The following TRIO variants were observed in gnomAD, a reference collection of about 807,000 sequenced individuals.
The protein encoded by TRIO is trio Rho guanine nucleotide exchange factor, also known as triple functional domain protein.
Under a neutral mutation model 351.9 loss-of-function variants are expected in TRIO, and 58 were observed. The observed-to-expected ratio is 0.16, with a 90% CI of 0.13 to 0.21. The LOEUF (loss-of-function observed/expected upper bound fraction) is 0.21, where lower values mean the gene tolerates loss of function less well. Ranked by LOEUF, TRIO falls within the 10% of genes least tolerant of loss-of-function variation. The pLI is 1.00. For missense variants in TRIO, 3,201 were observed against 4,027.8 expected, an observed-to-expected ratio of 0.79 and a Z score of 5.56; for synonymous variants, 1,758 against 1,595.7, an observed-to-expected ratio of 1.10 and a Z score of -2.42.
intron 34 of TRIO, among the ~76,000 whole-genome samples, chr5:14,458,210 T>G (rs1490252949): frequency 1.3e-5 from 2 of 152,178 alleles, no homozygotes; most frequent in African/African-American, 2.4e-5. Context: ...AAGACTGTCC[T>G]TAAAATATGA....
chr5:14,338,436 A>G (rs1741630060), intron 11 of TRIO, among the ~76,000 whole-genome samples: 1 of 152,148 alleles, frequency 6.6e-6, no homozygotes, highest in African/African-American at 2.4e-5. Flanking sequence ...GGGCGTGGTT[A>G]GCCGCTCTCC....
Position 14,482,765 on chromosome 5 carries a change from A to C in TRIO, c.6649A>C (p.Ser2217Arg). 1.3e-6 allele frequency: 2 copies of C among 1,591,512 alleles called. No homozygotes were observed. Among genetic ancestry groups the C allele is most frequent in the Non-Finnish European group, 1.7e-6 (2 of 1,165,758 alleles). Residue 2217 changes from serine (S) to arginine (R), a missense_variant, in exon 46 of 57, where the codon AGT (serine) becomes CGT (arginine). By Grantham distance (110) the Ser-to-Arg change is moderately radical. Coordinates refer to ENST00000344204, the MANE Select transcript of TRIO (RefSeq NM_007118.4). Reference protein sequence around the residue: ...FSMPGFLFKNSIKVSCLCLEE... With the variant: ...FSMPGFLFKNRIKVSCLCLEE... ...CATGCCGGGATTCCTGTTTAAGAAC[A>C]GTATCAAGGTAACGTGTGTCTCTGT...
At chr5:14,388,512 A>T in intron 23 of TRIO, 101 bp from the exon 24 acceptor site, 2 of 1,156,288 alleles carry the variant, frequency 1.7e-6, no homozygotes, top group Non-Finnish European at 2.6e-6. Flanking sequence ...ATCTAAGACT[A>T]ATACTTTTAG....
At chr5:14,156,431 A>G (rs1176206798) in intron 1 of TRIO, among the ~76,000 whole-genome samples, 1 of 152,176 alleles carries the variant, frequency 6.6e-6, no homozygotes, top group African/African-American at 2.4e-5. Flanking sequence ...ATGTGTGTGT[A>G]TGTATGCATA....
intron 34 of TRIO, among the ~76,000 whole-genome samples, chr5:14,452,939 T>C (rs532199942): frequency 8.6e-4 from 131 of 152,228 alleles, no homozygotes; most frequent in African/African-American, 3.0e-3. Context: ...TGTCCCAAAT[T>C]TACAGACTGG....
intron 1 of TRIO, among the ~76,000 whole-genome samples, chr5:14,217,545 C>G (rs1199138303): frequency 6.6e-6 from 1 of 152,164 alleles, no homozygotes; most frequent in African/African-American, 2.4e-5. Flanking sequence ...CAGCTGCAGC[C>G]TGCTCAGTCA....
intron 1 of TRIO, among the ~76,000 whole-genome samples, chr5:14,144,904 AGGCGGCGGCGGC>A (rs553815914): frequency 4.1e-4 from 61 of 149,102 alleles, no homozygotes; most frequent in Non-Finnish European, 7.3e-4. Context: ...GAGGAGGAGG[AGGCGGCGGCGGC>A]GGCGGCGGCC....
chr5:14,248,284 A>G (rs1238806015), intron 1 of TRIO, among the ~76,000 whole-genome samples: 4 of 152,178 alleles, frequency 2.6e-5, no homozygotes, highest in African/African-American at 9.7e-5. Flanking sequence ...AAAATTACAA[A>G]TGGAATGTCA....
intron 48 of TRIO, chr5:14,488,868 G>A: frequency 1.4e-6 from 1 of 725,434 alleles, no homozygotes; most frequent in Admixed American, 1.9e-5. Flanking sequence ...CACCTGGCGA[G>A]GCGGCTCTGC....
rs1209815055 is a variant in TRIO at position 14,144,647 on chromosome 5, TG to T, written c.157+766del. 3.3e-5 allele frequency among the ~76,000 whole-genome samples: 5 copies of T among 151,582 alleles called. No individual in the cohort carries two copies. The East Asian group carries it at 9.9e-4, about 30-fold the overall frequency. The stretch of plus-strand genomic sequence containing the variant: ...GTGGGTGGCGTGGAGGTGGAGGCGG[TG>T]CCAGGTGGCCCCGAGTCCACCCCGG... On this transcript the variant is annotated intron_variant, in intron 1 of 56. Coordinates refer to ENST00000344204, the MANE Select transcript of TRIO (RefSeq NM_007118.4).
intron 34 of TRIO, among the ~76,000 whole-genome samples, chr5:14,445,779 G>A (rs1451339568): frequency 3.3e-5 from 5 of 152,202 alleles, no homozygotes; most frequent in Admixed American, 6.5e-5. Context: ...TGGCCCAAGG[G>A]CACAGAAGCA....
At chr5:14,351,018 C>T (rs778026609) in intron 11 of TRIO, among the ~76,000 whole-genome samples, 9 of 152,118 alleles carry the variant, frequency 5.9e-5, no homozygotes, top group Non-Finnish European at 1.3e-4. Flanking sequence ...AATCTAATGC[C>T]GCTGCTGATC....
intron 1 of TRIO, among the ~76,000 whole-genome samples, chr5:14,159,058 C>G (rs1049478909): frequency 1.3e-5 from 2 of 152,152 alleles, no homozygotes; most frequent in Admixed American, 1.3e-4. Context: ...AAGGTTACCA[C>G]GCGCACAGTG....
intron 11 of TRIO, among the ~76,000 whole-genome samples, chr5:14,337,002 AAGT>A (rs758356760): frequency 3.9e-5 from 6 of 152,258 alleles, no homozygotes; most frequent in Non-Finnish European, 7.4e-5. Context: ...CCATTTCTAT[AAGT>A]AGGGGACCTG....
chr5:14,342,781 A>G (rs914172206), intron 11 of TRIO, among the ~76,000 whole-genome samples: 46 of 152,192 alleles, frequency 3.0e-4, no homozygotes, highest in African/African-American at 1.1e-3. Context: ...TCCACCCCAC[A>G]TATACACACA....
intron 1 of TRIO, among the ~76,000 whole-genome samples, chr5:14,239,329 C>G (rs1169534116): frequency 6.6e-6 from 1 of 152,090 alleles, no homozygotes; most frequent in Non-Finnish European, 1.5e-5. Flanking sequence ...ATTCTTCCTT[C>G]TATACTTAGT....
At position 14,297,189 on chromosome 5, in the gene TRIO, G is replaced by A. The variant is rs1050284498; in HGVS notation, c.1294G>A (p.Ala432Thr). 1.2e-6 allele frequency: 2 copies of A among 1,614,224 alleles called. No homozygotes were observed. Among genetic ancestry groups the A allele is most frequent in the East Asian group, 2.2e-5 (1 of 44,876 alleles). Residue 432 changes from alanine (A) to threonine (T), a missense_variant, in exon 7 of 57, where the codon GCG becomes ACG. Transcript: ENST00000344204. ...GAGTCAGCTGGAGCAGGAGTGGAAG[G>A]CGTTTGCGGCAGCCCTGGATGAGCG... Reference protein sequence around the residue: ...IASQLEQEWKAFAAALDERST... With the variant: ...IASQLEQEWKTFAAALDERST...
intron 9 of TRIO, among the ~76,000 whole-genome samples, chr5:14,329,937 A>G (rs1215282775): frequency 6.6e-6 from 1 of 152,104 alleles, no homozygotes; most frequent in Non-Finnish European, 1.5e-5. Context: ...TTCAGTCCAC[A>G]TTTGGTTGTG....
intron 9 of TRIO, among the ~76,000 whole-genome samples, chr5:14,322,641 C>G (rs145696324): frequency 3.4e-3 from 514 of 152,260 alleles, no homozygotes; most frequent in Non-Finnish European, 5.2e-3. Context: ...TACACTAGAC[C>G]TAGCTTTTAA....
Sources: gnomAD v4.1 joint callset for allele counts (sites outside exome capture counted in the v4.1 genomes callset) on GRCh38, gnomAD v4.1.1 for gene constraint, MANE v1.5 for transcripts, NCBI Gene and HGNC (gene_info 2026-07-23, HGNC 2026-07-21) for gene names.